TF: variants seen among roughly 807,000 people sequenced by gnomAD.
The protein encoded by TF is serotransferrin.
TF carries 55 observed loss-of-function variants against 82.4 expected under a neutral mutation model. The observed-to-expected ratio is 0.67, with a 90% CI of 0.54 to 0.84. The LOEUF is 0.84. Among genes scored for constraint, TF ranks in the 40% least tolerant of loss-of-function variants. The pLI, the probability that TF is intolerant of heterozygous loss-of-function variation, is 0.00. For synonymous variants in TF, 332 were observed against 332.6 expected (o/e 1.00, Z 0.02); for missense variants, 737 against 868.4 (o/e 0.85, Z 1.90).
Position 133,770,532 on chromosome 3 carries a change from G to C in TF, c.1647G>C (p.Val549=). ...AFRCLVEKGD[V]AFVKHQTVPQ... is the part of the protein sequence containing the mutation. ...GGTGTCTGGTTGAGAAGGGAGATGTGGCCTTTGTGAAACACCAGACTGTCC... is the reference window on the plus strand; with the variant it reads ...GGTGTCTGGTTGAGAAGGGAGATGTCGCCTTTGTGAAACACCAGACTGTCC... Residue 549 remains valine (V), a synonymous_variant, in exon 14 of 17, where the codon GTG becomes GTC. Coordinates refer to ENST00000402696, the MANE Select transcript of TF (RefSeq NM_001063.4). The C allele has an allele frequency of 6.2e-7, 1 of 1,614,036 alleles. No individual in the cohort carries two copies. The highest frequency in any genetic ancestry group is 8.5e-7 in the Non-Finnish European group (1 of 1,180,000).
the TF span, among the ~76,000 whole-genome samples, chr3:133,729,105 G>A: frequency 6.6e-6 from 1 of 152,136 alleles, no homozygotes; most frequent in African/African-American, 2.4e-5. Flanking sequence ...GGGGTCAGGG[G>A]TCAGAGGGGT....
chr3:133,734,151 G>C, the TF span, among the ~76,000 whole-genome samples: 1 of 152,198 alleles, frequency 6.6e-6, no homozygotes, highest in Non-Finnish European at 1.5e-5. Context: ...GGTTGTGTAA[G>C]GGTGTGGGAC....
At chr3:133,670,249 A>G in the TF span, among the ~76,000 whole-genome samples, 1 of 152,246 alleles carries the variant, frequency 6.6e-6, no homozygotes, top group Non-Finnish European at 1.5e-5. Flanking sequence ...CAATAGCCTT[A>G]TGGGGTTACT....
the TF span, among the ~76,000 whole-genome samples, chr3:133,697,903 A>G: frequency 6.6e-6 from 1 of 152,208 alleles, no homozygotes; most frequent in Non-Finnish European, 1.5e-5. Flanking sequence ...GAGAATAGGG[A>G]TATAGGGTAA....
In TF at chr3:133,780,968, G is replaced by C. The variant is rs1046469678; in HGVS notation, c.*2348G>C. ...GCAGAGGTTGCAGTGAGCCAAGGTC[G>C]CACCAGAGCACTCCAGCCTAGTGAC... On this transcript the variant is annotated 3_prime_UTR_variant, in exon 17 of 17. Transcript: ENST00000402696. The C allele has an allele frequency of 6.6e-6, 1 of 152,078 alleles. No homozygotes were observed. Among genetic ancestry groups the C allele is most frequent in the Admixed American group, 6.6e-5 (1 of 15,266 alleles). 9.4% of individuals were successfully genotyped at this position (152,078 alleles called of 1,614,324 possible).
intron 3 of TF, chr3:133,754,064 G>C (rs1933756429): frequency 4.6e-6 from 2 of 438,246 alleles, no homozygotes; most frequent in South Asian, 2.2e-5. Flanking sequence ...GGTCACTCTG[G>C]AGCACACACT....
the TF span, chr3:133,694,284 C>T: frequency 6.5e-6 from 1 of 152,844 alleles, no homozygotes; most frequent in East Asian, 1.9e-4. Context: ...TCGCCTGTGT[C>T]AACTGTGTGC....
Position 133,754,397 on chromosome 3 carries a change from G to A in TF, c.326-98G>A. 2.4e-6 allele frequency: 3 copies of A among 1,276,164 alleles called. No homozygotes were observed. In the South Asian group the frequency reaches 3.6e-5, roughly 15 times the overall value. 79.1% of individuals were successfully genotyped at this position (1,276,164 alleles called of 1,614,324 possible). On this transcript the variant is annotated intron_variant, in intron 3 of 16. Coordinates refer to ENST00000402696, the MANE Select transcript of TF (RefSeq NM_001063.4). ...TATCGCCCAGTCCAGTAAAAGCATG[G>A]CCTCTCCGCTCCCCTCCCTCCTCAA...
chr3:133,718,130 A>G, the TF span, among the ~76,000 whole-genome samples: 1 of 151,952 alleles, frequency 6.6e-6, no homozygotes. Context: ...AGTGAGGATG[A>G]TTTCTTTTAG....
At chr3:133,705,414 G>A in the TF span, among the ~76,000 whole-genome samples, 6 of 152,144 alleles carry the variant, frequency 3.9e-5, no homozygotes, top group African/African-American at 1.2e-4. Flanking sequence ...AGACTCTGAA[G>A]GGAAGAAAGA....
At chr3:133,666,633 A>T in the TF span, among the ~76,000 whole-genome samples, 4 of 152,324 alleles carry the variant, frequency 2.6e-5, no homozygotes, top group East Asian at 7.7e-4. Flanking sequence ...ATAGAATGTC[A>T]TTAGCACATT....
At chr3:133,665,935 C>CA in the TF span, among the ~76,000 whole-genome samples, 1,329 of 51,734 alleles carry the variant, frequency 0.026, 40 homozygotes, top group African/African-American at 0.086. Flanking sequence ...AACTCCATCT[C>CA]AAAAAAAAAA....
intron 14 of TF, chr3:133,773,155 CT>C (rs1215057632): frequency 0.016 from 2,328 of 144,676 alleles, 70 homozygotes; most frequent in African/African-American, 0.054. Context: ...ACCACGTGGG[CT>C]TTTTTTTTTT....
chr3:133,748,606 G>C (rs1559867092), intron 2 of TF, 22 bp downstream of exon 2: 1 of 1,613,534 alleles, frequency 6.2e-7, no homozygotes, highest in Non-Finnish European at 8.5e-7. Context: ...CTGCCTAAAA[G>C]AGAGTGGAAG....
At chr3:133,674,903 G>C in the TF span, among the ~76,000 whole-genome samples, 143 of 152,270 alleles carry the variant, frequency 9.4e-4, 1 homozygote, top group African/African-American at 3.3e-3. Flanking sequence ...TCTGCGGCTT[G>C]ATGTTGTATA....
At chr3:133,741,897 T>A (rs1933401424), upstream of TF, among the ~76,000 whole-genome samples, 1 of 152,246 alleles carries the variant, frequency 6.6e-6, no homozygotes, top group South Asian at 2.1e-4. Context: ...TTTGTTAGTT[T>A]TTCCTTTCTA....
Position 133,778,755 on chromosome 3 carries a change from G to A in TF, c.*135G>A. 1 of 768,146 alleles carries A rather than the reference G, an allele frequency of 1.3e-6. No individual in the cohort carries two copies. The highest frequency in any genetic ancestry group is 2.1e-6 in the Non-Finnish European group (1 of 471,772). 47.6% of individuals were successfully genotyped at this position (768,146 alleles called of 1,614,324 possible). ...ACAGCTCTGTGTTGCCATGTGTGCT[G>A]AACAAAAAATAAAAATTATTATTGA... On this transcript the variant is annotated 3_prime_UTR_variant, in exon 17 of 17. Transcript: ENST00000402696.
chr3:133,737,599 A>T, the TF span, among the ~76,000 whole-genome samples: 435 of 152,308 alleles, frequency 2.9e-3, 2 homozygotes, highest in South Asian at 4.8e-3. Flanking sequence ...GAGAAGAGTC[A>T]AATAGACACA....
chr3:133,687,613 C>A, the TF span, among the ~76,000 whole-genome samples: 5 of 152,330 alleles, frequency 3.3e-5, no homozygotes, highest in East Asian at 1.9e-4. Flanking sequence ...TGGCAACCAC[C>A]AATTAATATC....
Sources: gnomAD v4.1 joint callset for allele counts (sites outside exome capture counted in the v4.1 genomes callset) on GRCh38, gnomAD v4.1.1 for gene constraint, MANE v1.5 for transcripts, NCBI Gene and HGNC (gene_info 2026-07-23, HGNC 2026-07-21) for gene names.